TTLL7: variants seen among roughly 807,000 people sequenced by gnomAD.
TTLL7 encodes the protein tubulin tyrosine ligase like 7, also known as tubulin polyglutamylase TTLL7.
A neutral mutation model predicts 120.2 loss-of-function variants in TTLL7; 53 were observed. That is an observed-to-expected ratio of 0.44 (90% confidence interval 0.35 to 0.55). TTLL7 has a LOEUF of 0.55. Ranked by LOEUF, TTLL7 falls within the 20% of genes least tolerant of loss-of-function variation. The pLI is 0.00. For synonymous variants in TTLL7, 353 were observed against 351.7 expected (o/e 1.00, Z -0.04); for missense variants, 803 against 1,054.7 (o/e 0.76, Z 3.31).
At chr1:83,932,386 G>C (rs1262897990) in intron 9 of TTLL7, among the ~76,000 whole-genome samples, 1 of 152,132 alleles carries the variant, frequency 6.6e-6, no homozygotes, top group African/African-American at 2.4e-5. Context: ...ATAGTGCATA[G>C]TCAAGTGTTT....
chr1:83,920,081 T>C (rs187219547), intron 12 of TTLL7, among the ~76,000 whole-genome samples: 3 of 152,332 alleles, frequency 2.0e-5, no homozygotes, highest in Non-Finnish European at 4.4e-5. Context: ...TGGGCACTAA[T>C]TAATAAAATT....
At chr1:83,924,621 G>T (rs1333581913) in intron 10 of TTLL7, among the ~76,000 whole-genome samples, 1 of 152,144 alleles carries the variant, frequency 6.6e-6, no homozygotes, top group Non-Finnish European at 1.5e-5. Context: ...ACTTTTGCAG[G>T]ATTAGACTTC....
chr1:83,929,376 A>G, intron 9 of TTLL7, 146 bp from the exon 10 acceptor site: 1 of 582,836 alleles, frequency 1.7e-6, no homozygotes, highest in Non-Finnish European at 3.0e-6. Flanking sequence ...TGTTATTGCC[A>G]CATCTCCATT....
At chr1:83,988,802 G>A (rs1345100647) in intron 1 of TTLL7, among the ~76,000 whole-genome samples, 2 of 152,044 alleles carry the variant, frequency 1.3e-5, no homozygotes, top group African/African-American at 2.4e-5. Context: ...TCCGTCTCCC[G>A]GATTCAAGCT....
intron 1 of TTLL7, among the ~76,000 whole-genome samples, chr1:83,983,059 T>C (rs923097550): frequency 3.9e-5 from 6 of 152,004 alleles, no homozygotes; most frequent in Non-Finnish European, 8.8e-5. Flanking sequence ...GGCCAGGCAA[T>C]AAGGGCTCAC....
At chr1:83,884,044 A>ATG (rs1237919996) in intron 19 of TTLL7, among the ~76,000 whole-genome samples, 2 of 150,984 alleles carry the variant, frequency 1.3e-5, no homozygotes, top group African/African-American at 4.9e-5. Flanking sequence ...GTGTGTGTGT[A>ATG]TGTGTGTGTG....
chr1:83,957,252 C>T (rs1198101168), intron 1 of TTLL7, among the ~76,000 whole-genome samples: 1 of 151,962 alleles, frequency 6.6e-6, no homozygotes, highest in Non-Finnish European at 1.5e-5. Flanking sequence ...AAGAAGGAAA[C>T]ACAAAGAAAA....
At chr1:83,952,430 T>G (rs1485079959) in intron 1 of TTLL7, 43 bp from the exon 2 acceptor site, 4 of 439,890 alleles carry the variant, frequency 9.1e-6, no homozygotes, top group Non-Finnish European at 1.6e-5. Flanking sequence ...AAAACTTTTT[T>G]GAATTTTTTT....
intron 7 of TTLL7, among the ~76,000 whole-genome samples, chr1:83,941,388 CT>C (rs1456379085): frequency 6.6e-6 from 1 of 152,230 alleles, no homozygotes; most frequent in African/African-American, 2.4e-5. Context: ...TCAAACATTA[CT>C]TGGTGATTGG....
rs1347214454 is a variant in TTLL7, at chr1:83,921,130, T to C, written c.1321A>G (p.Ile441Val). The C allele has an allele frequency of 6.2e-7, 1 of 1,613,344 alleles. No individual in the cohort carries two copies. The highest frequency in any genetic ancestry group is 8.5e-7 in the Non-Finnish European group (1 of 1,179,646). ...KERLAQVRKQ[I>V]SREEHENRHM... ...CGATTTTCATGTTCTTCTCGTGAGA[T>C]CTGCTTTCGTACTTGAGCGAGTCTC... The change falls in exon 12 of 21, where the codon ATC becomes GTC. Residue 441 changes from isoleucine (I) to valine (V), a missense_variant. Transcript: ENST00000260505.
chr1:83,931,331 T>C (rs1659579603), intron 9 of TTLL7, among the ~76,000 whole-genome samples: 1 of 152,100 alleles, frequency 6.6e-6, no homozygotes, highest in African/African-American at 2.4e-5. Context: ...CATAATAGCT[T>C]CTGTGCTCCT....
At chr1:83,969,776 G>A (rs1359692918) in intron 1 of TTLL7, among the ~76,000 whole-genome samples, 1 of 151,870 alleles carries the variant, frequency 6.6e-6, no homozygotes, top group Non-Finnish European at 1.5e-5. Flanking sequence ...TTATGATATA[G>A]CCAAACAATG....
intron 1 of TTLL7, among the ~76,000 whole-genome samples, chr1:83,952,647 C>A (rs1277406930): frequency 6.6e-6 from 1 of 152,068 alleles, no homozygotes; most frequent in Non-Finnish European, 1.5e-5. Flanking sequence ...TATACACAAA[C>A]AATAACAGCA....
At chr1:83,976,063 G>C (rs1227985561) in intron 1 of TTLL7, among the ~76,000 whole-genome samples, 3 of 151,042 alleles carry the variant, frequency 2.0e-5, no homozygotes, top group East Asian at 1.9e-4. Flanking sequence ...GTGTGTGTGT[G>C]TGTGTGTGTG....
At chr1:83,891,686 A>T (rs1336616431) in intron 18 of TTLL7, among the ~76,000 whole-genome samples, 2 of 152,132 alleles carry the variant, frequency 1.3e-5, no homozygotes, top group Non-Finnish European at 2.9e-5. Context: ...GATTCAGTAA[A>T]TAAACAGTGG....
At chr1:83,973,188 A>C (rs1240064070) in intron 1 of TTLL7, among the ~76,000 whole-genome samples, 1 of 152,010 alleles carries the variant, frequency 6.6e-6, no homozygotes, top group Non-Finnish European at 1.5e-5. Context: ...ATTTTCTAGG[A>C]GTTTTATACT....
chr1:83,908,801 T>C (rs968500769), intron 15 of TTLL7, among the ~76,000 whole-genome samples: 1 of 151,952 alleles, frequency 6.6e-6, no homozygotes, highest in African/African-American at 2.4e-5. Context: ...TTTCTCTTCA[T>C]TAGCTGTTGA....
rs1264471750 is a variant in TTLL7 at position 83,866,803 on chromosome 1, T to C, written c.*3159A>G. 2 of 151,962 alleles carry C rather than the reference T, an allele frequency of 1.3e-5. No individual in the cohort carries two copies. Among genetic ancestry groups the C allele is most frequent in the African/African-American group, 2.4e-5 (1 of 41,450 alleles). The allele number at this position is 151,962 out of a possible 1,614,324, so 9.4% of individuals were successfully genotyped here. A position where few individuals can be genotyped will look rare whatever the true frequency, so the allele number is the denominator to read the frequency against. ...ATATGAATAACAATAGTTTCTTCAA[T>C]AGATTATATAGAGCAAATGGTAACT... On this transcript the variant is annotated 3_prime_UTR_variant, in exon 21 of 21. Coordinates refer to ENST00000260505, the MANE Select transcript of TTLL7 (RefSeq NM_024686.6).
chr1:83,938,881 CATT>C (rs753431349), intron 7 of TTLL7, among the ~76,000 whole-genome samples: 7 of 152,166 alleles, frequency 4.6e-5, no homozygotes, highest in South Asian at 2.1e-4. Flanking sequence ...ACTTCATTCA[CATT>C]ATTATTATTT....
Sources: gnomAD v4.1 joint callset for allele counts (sites outside exome capture counted in the v4.1 genomes callset) on GRCh38, gnomAD v4.1.1 for gene constraint, MANE v1.5 for transcripts, NCBI Gene and HGNC (gene_info 2026-07-23, HGNC 2026-07-21) for gene names.